GMDS: variants seen among roughly 807,000 people sequenced by gnomAD.
The protein encoded by GMDS is GDP-mannose 4,6 dehydratase.
Under a neutral mutation model 49.9 loss-of-function variants are expected in GMDS, and 20 were observed. The observed-to-expected ratio is 0.40, with a 90% CI of 0.28 to 0.58. GMDS has a LOEUF of 0.58. Among genes scored for constraint, GMDS ranks in the 20% least tolerant of loss-of-function variants. The probability of loss-of-function intolerance (pLI) is 0.42; values close to 1 mark genes in which losing one functional copy is unlikely to be tolerated. For missense variants in GMDS, 362 were observed against 481.4 expected (o/e 0.75, Z 2.32); for synonymous variants, 177 against 178.6 (o/e 0.99, Z 0.07).
In GMDS at chr6:2,215,980, G is replaced by A. The variant is rs181325817; in HGVS notation, c.102+29341C>T. Among the ~76,000 whole-genome samples, 50 of 152,140 alleles carry A rather than the reference G, an allele frequency of 3.3e-4. No homozygotes were observed. The East Asian group carries it at 5.2e-3, about 16-fold the overall frequency. ...AATTTACTGTAAAAAATTTGGAAGGGGATCACGGAAACATAGAGCTACATA... is the reference window on the plus strand; with the variant it reads ...AATTTACTGTAAAAAATTTGGAAGGAGATCACGGAAACATAGAGCTACATA... On this transcript the variant is annotated intron_variant, in intron 1 of 10. Transcript: ENST00000380815.
In GMDS at chr6:1,791,556, G is replaced by A. The variant is rs540176065; in HGVS notation, c.772-48970C>T. Among the ~76,000 whole-genome samples the A allele has an allele frequency of 2.6e-5, 4 of 152,260 alleles. No individual in the cohort carries two copies. The South Asian group carries it at 8.3e-4, about 32-fold the overall frequency. On this transcript the variant is annotated intron_variant, in intron 7 of 10. Coordinates refer to ENST00000380815, the MANE Select transcript of GMDS (RefSeq NM_001500.4). ...CACATCTCCAAATACGATCACATTA[G>A]GAGTTACGGCTTCAACATATGAATT...
At chr6:1,973,542 G>C (rs1269948684) in intron 4 of GMDS, among the ~76,000 whole-genome samples, 1 of 152,096 alleles carries the variant, frequency 6.6e-6, no homozygotes, top group Admixed American at 6.5e-5. Context: ...TTTAATGTTT[G>C]CTGCCAGTTA....
intron 7 of GMDS, among the ~76,000 whole-genome samples, chr6:1,818,161 G>T (rs1468466225): frequency 6.6e-6 from 1 of 152,140 alleles, no homozygotes; most frequent in Non-Finnish European, 1.5e-5. Flanking sequence ...TACCAAAAAT[G>T]AATATATCTC....
At chr6:2,060,046 C>T (rs1323471139) in intron 4 of GMDS, among the ~76,000 whole-genome samples, 1 of 152,160 alleles carries the variant, frequency 6.6e-6, no homozygotes, top group Admixed American at 6.5e-5. Flanking sequence ...AAACCTCCCT[C>T]ATTTTTTCAC....
chr6:1,754,682 G>C (rs1241610029), intron 7 of GMDS, among the ~76,000 whole-genome samples: 1 of 152,122 alleles, frequency 6.6e-6, no homozygotes, highest in South Asian at 2.1e-4. Context: ...TATCCACCAC[G>C]ATCAAGTCGG....
chr6:1,675,740 C>T (rs905662543), intron 9 of GMDS, among the ~76,000 whole-genome samples: 4 of 151,856 alleles, frequency 2.6e-5, no homozygotes, highest in African/African-American at 9.7e-5. Context: ...GTAGTCCCAG[C>T]TACTCGGGAA....
chr6:2,060,177 C>A (rs1771060517), intron 4 of GMDS, among the ~76,000 whole-genome samples: 1 of 152,126 alleles, frequency 6.6e-6, no homozygotes, highest in African/African-American at 2.4e-5. Flanking sequence ...ACTTGTCCAG[C>A]CTCCCAAGCA....
chr6:1,946,751 G>A (rs893786034), intron 6 of GMDS, among the ~76,000 whole-genome samples: 5 of 152,120 alleles, frequency 3.3e-5, no homozygotes, highest in African/African-American at 4.8e-5. Flanking sequence ...AAGGAGGAGC[G>A]TGTGTCAGGT....
At chr6:2,236,361 A>T (rs1781355908) in intron 1 of GMDS, among the ~76,000 whole-genome samples, 2 of 152,220 alleles carry the variant, frequency 1.3e-5, no homozygotes, top group Admixed American at 1.3e-4. Flanking sequence ...TTAAGAAGCT[A>T]ACTTGTTAGC....
intron 7 of GMDS, among the ~76,000 whole-genome samples, chr6:1,847,130 C>T (rs899828573): frequency 6.6e-6 from 1 of 152,266 alleles, no homozygotes; most frequent in South Asian, 2.1e-4. Context: ...AATCATAGCT[C>T]ACTGCAGTCT....
chr6:2,168,600 T>G (rs967594984), intron 1 of GMDS, among the ~76,000 whole-genome samples: 1 of 152,178 alleles, frequency 6.6e-6, no homozygotes, highest in African/African-American at 2.4e-5. Context: ...AACCACAAAT[T>G]TAGATTTCTA....
intron 1 of GMDS, among the ~76,000 whole-genome samples, chr6:2,222,236 G>A (rs1780624890): frequency 2.0e-5 from 3 of 152,198 alleles, no homozygotes; most frequent in Non-Finnish European, 4.4e-5. Flanking sequence ...GAGCTTCTCA[G>A]AGGTTTACTC....
At chr6:1,695,591 C>A (rs566865741) in intron 9 of GMDS, among the ~76,000 whole-genome samples, 1 of 152,330 alleles carries the variant, frequency 6.6e-6, no homozygotes, top group South Asian at 2.1e-4. Context: ...ACAGCCAGTT[C>A]TTTCTCAACA....
chr6:2,048,410 C>A (rs1191838807), intron 4 of GMDS, among the ~76,000 whole-genome samples: 8 of 152,166 alleles, frequency 5.3e-5, no homozygotes, highest in Non-Finnish European at 1.2e-4. Context: ...TACTCTCAGG[C>A]CAATGCCTCA....
chr6:2,089,434 A>G (rs1773194051), intron 4 of GMDS, among the ~76,000 whole-genome samples: 1 of 152,294 alleles, frequency 6.6e-6, no homozygotes, highest in East Asian at 1.9e-4. Context: ...AAGAGGCCAC[A>G]AAGTAGAGGA....
chr6:2,229,404 T>C (rs1393637002), intron 1 of GMDS, among the ~76,000 whole-genome samples: 1 of 118,564 alleles, frequency 8.4e-6, no homozygotes. Context: ...AGACCCTGTT[T>C]CTACAAAAAA....
chr6:2,038,158 T>A (rs1281899087), intron 4 of GMDS, among the ~76,000 whole-genome samples: 5 of 152,110 alleles, frequency 3.3e-5, no homozygotes, highest in African/African-American at 4.8e-5. Flanking sequence ...ATCGCCCCCC[T>A]TTGCCATCCC....
At chr6:1,759,107 T>C (rs1768065456) in intron 7 of GMDS, among the ~76,000 whole-genome samples, 1 of 152,130 alleles carries the variant, frequency 6.6e-6, no homozygotes, top group African/African-American at 2.4e-5. Context: ...ATCAGGATGA[T>C]GACAATGATG....
intron 9 of GMDS, among the ~76,000 whole-genome samples, chr6:1,705,835 T>A (rs939797462): frequency 2.0e-5 from 3 of 152,126 alleles, no homozygotes; most frequent in Admixed American, 6.5e-5. Flanking sequence ...AGGGCAGGAA[T>A]GACCATCAAG....
Sources: allele counts gnomAD v4.1 joint callset (sites outside exome capture counted in the v4.1 genomes callset), GRCh38; gene constraint gnomAD v4.1.1; transcripts MANE v1.5; gene names NCBI Gene and HGNC (gene_info 2026-07-23, HGNC 2026-07-21).